The following DCAF1 variants were observed in gnomAD, a reference collection of about 807,000 sequenced individuals.
DCAF1 encodes the protein DDB1 and CUL4 associated factor 1.
In DCAF1, 15 loss-of-function variants were observed where a neutral mutation model predicts 128.0. That is an observed-to-expected ratio of 0.12 (90% confidence interval 0.08 to 0.18). DCAF1 has a LOEUF of 0.18. DCAF1 is among the 10% of genes least tolerant of loss of function. The pLI, the probability that DCAF1 is intolerant of heterozygous loss-of-function variation, is 1.00. For missense variants in DCAF1, 988 were observed against 1,649.5 expected, an observed-to-expected ratio of 0.60 and a Z score of 6.95; for synonymous variants, 610 against 603.0, an observed-to-expected ratio of 1.01 and a Z score of -0.17.
intron 7 of DCAF1, 85 bp downstream of exon 7, chr3:51,443,681 T>G: frequency 6.7e-6 from 8 of 1,201,450 alleles, no homozygotes; most frequent in South Asian, 2.0e-5. Flanking sequence ...ATAATCAATA[T>G]GATCTACTTA....
intron 2 of DCAF1, among the ~76,000 whole-genome samples, chr3:51,494,298 T>C (rs1477010140): frequency 6.6e-6 from 1 of 151,796 alleles, no homozygotes. Context: ...GTATTTGTAG[T>C]ACAGACGGGG....
chr3:51,440,349 T>C (rs556218499), intron 9 of DCAF1, among the ~76,000 whole-genome samples: 4 of 152,228 alleles, frequency 2.6e-5, no homozygotes, highest in South Asian at 4.1e-4. Context: ...TGGTGGCTCA[T>C]ACCTATAATC....
At chr3:51,489,818 T>C (rs1553657056) in intron 2 of DCAF1, among the ~76,000 whole-genome samples, 12 of 58,482 alleles carry the variant, frequency 2.1e-4, no homozygotes, top group Non-Finnish European at 3.6e-4. Flanking sequence ...TGCATGTGTG[T>C]GTGTGTGTGT....
At chr3:51,406,055 A>G (rs1553626502) in intron 23 of DCAF1, among the ~76,000 whole-genome samples, 3 of 151,978 alleles carry the variant, frequency 2.0e-5, no homozygotes, top group African/African-American at 7.3e-5. Context: ...AAACAAAAAC[A>G]AAAACAGGCC....
intron 13 of DCAF1, among the ~76,000 whole-genome samples, 153 bp downstream of exon 13, chr3:51,427,219 A>C (rs1699982717): frequency 6.6e-6 from 1 of 152,222 alleles, no homozygotes; most frequent in Non-Finnish European, 1.5e-5. Flanking sequence ...ATTAAAAATC[A>C]TATTTTCATG....
chr3:51,441,242 G>A lies in DCAF1; in HGVS notation c.1026+143C>T. On this transcript the variant is annotated intron_variant, in intron 8 of 24. Transcript: ENST00000684031. ...AAATAGACCATATCAGGAATGACCT[G>A]CATAAGACTTGAACAGTTTCATGCA... 3 of 1,224,518 alleles carry A rather than the reference G, an allele frequency of 2.4e-6. No individual in the cohort carries two copies. In the South Asian group the frequency reaches 4.7e-5, roughly 19 times the overall value. 75.9% of individuals were successfully genotyped at this position (1,224,518 alleles called of 1,614,324 possible). A position where few individuals can be genotyped will look rare whatever the true frequency, so the allele number is the denominator to read the frequency against.
upstream of DCAF1, among the ~76,000 whole-genome samples, chr3:51,500,208 A>G (rs1359589701): frequency 7.2e-6 from 1 of 139,424 alleles, no homozygotes; most frequent in Non-Finnish European, 1.5e-5. Context: ...GGGCGGGCCC[A>G]CCAGTCCCAA....
In DCAF1 at chr3:51,426,462, G is replaced by A. The variant is rs535103380; in HGVS notation, c.1847+910C>T. Reference sequence around the variant, plus strand: ...GGACCTCAAGTGATCTGCCCACCTCGTCCTTCCAAAGTGCTGAAATTACAA... The same window carrying A: ...GGACCTCAAGTGATCTGCCCACCTCATCCTTCCAAAGTGCTGAAATTACAA... On this transcript the variant is annotated intron_variant, in intron 13 of 24. Transcript: ENST00000684031. 4.6e-5 allele frequency among the ~76,000 whole-genome samples: 7 copies of A among 152,170 alleles called. No homozygotes were observed. In the South Asian group the frequency reaches 6.2e-4, roughly 14 times the overall value.
intron 6 of DCAF1, 45 bp from the exon 7 acceptor site, chr3:51,443,948 G>A: frequency 1.3e-6 from 2 of 1,520,946 alleles, no homozygotes; most frequent in Non-Finnish European, 1.8e-6. Context: ...AAAAGCCCAA[G>A]TTCATGATTA....
At chr3:51,496,628 C>A (rs1437960948) in intron 2 of DCAF1, among the ~76,000 whole-genome samples, 106 bp downstream of exon 2, 2 of 151,804 alleles carry the variant, frequency 1.3e-5, no homozygotes, top group Non-Finnish European at 2.9e-5. Context: ...AACCATCCTA[C>A]CCTTTTTCAC....
At chr3:51,404,671 A>C (rs1016869241) in intron 23 of DCAF1, among the ~76,000 whole-genome samples, 1 of 152,164 alleles carries the variant, frequency 6.6e-6, no homozygotes, top group Non-Finnish European at 1.5e-5. Flanking sequence ...ATGTTGGAAA[A>C]ACTGAGCCCC....
At chr3:51,483,173 C>T (rs961355117) in intron 3 of DCAF1, among the ~76,000 whole-genome samples, 5 of 138,762 alleles carry the variant, frequency 3.6e-5, no homozygotes, top group Admixed American at 7.6e-5. Context: ...CAGTGGCTCA[C>T]GCCTGTAATC....
rs1553629174 is a variant in DCAF1 at position 51,413,394 on chromosome 3, G to A, written c.3932-8C>T. 2.5e-6 allele frequency: 4 copies of A among 1,609,060 alleles called. No individual in the cohort carries two copies. Among genetic ancestry groups the A allele is most frequent in the Non-Finnish European group, 3.4e-6 (4 of 1,177,470 alleles). ...CATCTGCCTGCAACATAGCTTGAGG[G>A]GGAGTGGGGGAGGAAACACTATTAG... On this transcript the variant is annotated splice_region_variant and splice_polypyrimidine_tract_variant and intron_variant, in intron 20 of 24. Transcript: ENST00000684031.
chr3:51,412,852 C>A, intron 22 of DCAF1, 141 bp downstream of exon 22: 1 of 1,316,326 alleles, frequency 7.6e-7, no homozygotes. Context: ...CAAGCCCCAT[C>A]AAATGAATAG....
At position 51,403,496 on chromosome 3, in the gene DCAF1, T is replaced by G. The variant is rs1210789608; in HGVS notation, c.4213-101A>C. ...AAGAGACAGGGTAGGAAACTGTCAG[T>G]AGAGGGTAGTAGTGATCTAGACGAG... On this transcript the variant is annotated intron_variant, in intron 23 of 24. Transcript: ENST00000684031. The G allele has an allele frequency of 1.2e-5, 18 of 1,481,038 alleles. No individual in the cohort carries two copies. In the South Asian group the frequency reaches 2.2e-4, roughly 18 times the overall value. The allele number at this position is 1,481,038 out of a possible 1,614,324, so 91.7% of individuals were successfully genotyped here.
intron 6 of DCAF1, among the ~76,000 whole-genome samples, chr3:51,456,203 G>A (rs189651796): frequency 6.6e-5 from 10 of 152,282 alleles, no homozygotes; most frequent in Non-Finnish European, 7.3e-5. Flanking sequence ...GGATCACTCC[G>A]ACCCTAATAC....
chr3:51,483,190 C>T (rs1706463369), intron 3 of DCAF1, among the ~76,000 whole-genome samples: 1 of 141,032 alleles, frequency 7.1e-6, no homozygotes, highest in African/African-American at 2.7e-5. Context: ...AATCCTAGCA[C>T]TTTGGGAGGA....
rs191995276 is a variant in DCAF1, at chr3:51,398,051, A to G, written c.*718T>C. On this transcript the variant is annotated 3_prime_UTR_variant, in exon 25 of 25. Coordinates refer to ENST00000684031, the MANE Select transcript of DCAF1 (RefSeq NM_001387579.1). ...CACAAAACCAATATCCACAATGACC[A>G]TGCTGCCCCCAAACCATGAAGGTGA... 240 of 156,896 alleles carry G rather than the reference A, an allele frequency of 1.5e-3. 1 individual carries two copies. The highest frequency in any genetic ancestry group is 3.9e-3 in the Admixed American group (60 of 15,290). The allele number at this position is 156,896 out of a possible 1,614,324, so 9.7% of individuals were successfully genotyped here.
intron 3 of DCAF1, among the ~76,000 whole-genome samples, chr3:51,474,195 G>A (rs182499754): frequency 6.6e-6 from 1 of 152,002 alleles, no homozygotes; most frequent in African/African-American, 2.4e-5. Context: ...GAGGCGGGCG[G>A]ATCACCTGAG....
Sources: gnomAD v4.1 joint callset for allele counts (sites outside exome capture counted in the v4.1 genomes callset) on GRCh38, gnomAD v4.1.1 for gene constraint, MANE v1.5 for transcripts, NCBI Gene and HGNC (gene_info 2026-07-23, HGNC 2026-07-21) for gene names.